DGKI: variants seen among roughly 807,000 people sequenced by gnomAD.
DGKI encodes diacylglycerol kinase iota.
In DGKI, 55 loss-of-function variants were observed where a neutral mutation model predicts 147.5. The ratio of observed to expected loss-of-function variants is 0.37; its 90% confidence interval spans 0.30 to 0.47. DGKI has a LOEUF of 0.47. Ranked by LOEUF, DGKI falls within the 20% of genes least tolerant of loss-of-function variation. The pLI, the probability that DGKI is intolerant of heterozygous loss-of-function variation, is 1.00. For synonymous variants in DGKI, 469 were observed against 477.1 expected (o/e 0.98, Z 0.22); for missense variants, 1,007 against 1,323.8 (o/e 0.76, Z 3.71).
chr7:137,499,082 C>A (rs556630138), intron 21 of DGKI, among the ~76,000 whole-genome samples: 1 of 152,132 alleles, frequency 6.6e-6, no homozygotes, highest in Non-Finnish European at 1.5e-5. Flanking sequence ...GAAAGCATCA[C>A]CTTTTCTTTA....
intron 1 of DGKI, among the ~76,000 whole-genome samples, chr7:137,812,883 G>T (rs560580642): frequency 6.6e-6 from 1 of 152,288 alleles, no homozygotes; most frequent in South Asian, 2.1e-4. Context: ...AATACAGGAT[G>T]TCTTATATGT....
intron 9 of DGKI, 85 bp from the exon 10 acceptor site, chr7:137,609,149 A>C: frequency 9.9e-7 from 1 of 1,011,604 alleles, no homozygotes; most frequent in Admixed American, 1.9e-5. Context: ...AAACCACCCA[A>C]TAATACATTT....
chr7:137,581,121 A>G (rs1819174771), intron 15 of DGKI, among the ~76,000 whole-genome samples: 1 of 152,150 alleles, frequency 6.6e-6, no homozygotes, highest in African/African-American at 2.4e-5. Context: ...AAACTTTATC[A>G]GTTCTAAATG....
chr7:137,712,582 A>T lies in DGKI; in HGVS notation c.402-22580T>A, dbSNP rs1272746582. 2.6e-5 allele frequency among the ~76,000 whole-genome samples: 4 copies of T among 152,290 alleles called. No homozygotes were observed. In the South Asian group the frequency reaches 8.3e-4, roughly 32 times the overall value. ...TGTCACCCTAGAAAATACACACTAC[A>T]TCTCTCCCAATAGCAAATGGTATTT... On this transcript the variant is annotated intron_variant, in intron 1 of 32. Transcript: ENST00000614521.
intron 32 of DGKI, among the ~76,000 whole-genome samples, chr7:137,393,234 T>A (rs540710820): frequency 1.7e-4 from 25 of 151,408 alleles, no homozygotes; most frequent in South Asian, 8.4e-4. Context: ...CATTTTTTTT[T>A]AAAAAAAGCA....
chr7:137,485,265 C>A, intron 23 of DGKI, 109 bp downstream of exon 23: 4 of 866,372 alleles, frequency 4.6e-6, no homozygotes, highest in Middle Eastern at 4.5e-4. Flanking sequence ...TTAGAATGAA[C>A]TCTATCCCTA....
chr7:137,518,340 A>C (rs1432265876), intron 21 of DGKI, among the ~76,000 whole-genome samples: 1 of 152,228 alleles, frequency 6.6e-6, no homozygotes, highest in African/African-American at 2.4e-5. Context: ...CAAACACCAA[A>C]ATTTCTGACT....
chr7:137,725,232 T>C lies in DGKI; in HGVS notation c.402-35230A>G, dbSNP rs533133835. Among the ~76,000 whole-genome samples the C allele has an allele frequency of 1.3e-3, 201 of 152,316 alleles. 1 individual carries two copies. The highest frequency in any genetic ancestry group is 2.7e-3 in the Admixed American group (42 of 15,294). ...CCTCCCTGCATTTTGAGTATCAAAA[T>C]GTTGTCAACCTACGGGAGAAGTGAT... On this transcript the variant is annotated intron_variant, in intron 1 of 32. Transcript: ENST00000614521.
At chr7:137,561,733 A>C (rs1055306446) in intron 19 of DGKI, among the ~76,000 whole-genome samples, 2 of 143,288 alleles carry the variant, frequency 1.4e-5, no homozygotes, top group African/African-American at 5.4e-5. Flanking sequence ...AAAAACAACA[A>C]ATAAAGAGAA....
intron 1 of DGKI, chr7:137,771,623 T>C (rs1796199263): frequency 6.6e-6 from 1 of 152,232 alleles, no homozygotes; most frequent in African/African-American, 2.4e-5. Flanking sequence ...ATTTTAATGA[T>C]TATTTCAATG....
chr7:137,437,264 G>T (rs1037517057), intron 28 of DGKI, among the ~76,000 whole-genome samples: 2 of 152,130 alleles, frequency 1.3e-5, no homozygotes, highest in African/African-American at 4.8e-5. Flanking sequence ...ACAAAAAGAC[G>T]CTTCAGATAA....
chr7:137,666,250 T>C (rs928230686), intron 3 of DGKI, among the ~76,000 whole-genome samples: 2 of 152,182 alleles, frequency 1.3e-5, no homozygotes, highest in African/African-American at 4.8e-5. Context: ...GTTTCTCTGA[T>C]AGGCTTCAAC....
In DGKI at chr7:137,784,909, T is replaced by A. The variant is rs1263290245; in HGVS notation, c.401+61553A>T. Among the ~76,000 whole-genome samples the A allele has an allele frequency of 1.3e-5, 2 of 151,902 alleles. 1 individual carries two copies. Among genetic ancestry groups the A allele is most frequent in the Admixed American group, 1.3e-4 (2 of 15,244 alleles). ...ACAAATCACGATGGAAATTAAAAAA[T>A]TATTTGAACTGAATGATAATAGTGA... On this transcript the variant is annotated intron_variant, in intron 1 of 32. Coordinates refer to ENST00000614521, the MANE Select transcript of DGKI (RefSeq NM_001321708.2).
At chr7:137,672,781 T>G in intron 3 of DGKI, among the ~76,000 whole-genome samples, 1 of 142,354 alleles carries the variant, frequency 7.0e-6, no homozygotes, top group Admixed American at 6.9e-5. Context: ...TTTTTTTTTT[T>G]TTTTTTTTTT....
In DGKI at chr7:137,597,888, CT is replaced by C; in HGVS notation, c.1269del (p.Val424TyrfsTer27). ...GPKDALELYR[K>X]VPNLRILACG... ...CAGGCCAGAATTCGCAGATTTGGTA[CT>C]TTCCTATACAATTCAAGCCTGTAGA... is the stretch of plus-strand genomic sequence containing the variant. On this transcript the variant is annotated frameshift_variant, in exon 12 of 33. Transcript: ENST00000614521. LOFTEE classifies it high-confidence loss of function. 1 of 1,613,820 alleles carries C rather than the reference CT, an allele frequency of 6.2e-7. No homozygotes were observed. Among genetic ancestry groups the C allele is most frequent in the Non-Finnish European group, 8.5e-7 (1 of 1,179,874 alleles).
chr7:137,841,988 C>T (rs973856977), intron 1 of DGKI, among the ~76,000 whole-genome samples: 8 of 152,118 alleles, frequency 5.3e-5, no homozygotes, highest in South Asian at 2.1e-4. Context: ...ATAAGTACTC[C>T]GGACAGTGGT....
chr7:137,657,388 G>A (rs1822265185), intron 3 of DGKI, among the ~76,000 whole-genome samples: 1 of 152,142 alleles, frequency 6.6e-6, no homozygotes, highest in Non-Finnish European at 1.5e-5. Context: ...CTGACAGTCA[G>A]TATTAGTTTA....
chr7:137,530,560 A>G (rs1239787553), intron 20 of DGKI, among the ~76,000 whole-genome samples: 1 of 152,192 alleles, frequency 6.6e-6, no homozygotes, highest in Non-Finnish European at 1.5e-5. Context: ...CAGGATGCCC[A>G]ACTATAGTTA....
chr7:137,570,393 GCA>G (rs1818751809), intron 19 of DGKI, among the ~76,000 whole-genome samples: 2 of 152,256 alleles, frequency 1.3e-5, no homozygotes, highest in African/African-American at 4.8e-5. Flanking sequence ...AACTGAGTAT[GCA>G]CTAATATCAC....
Sources: allele counts gnomAD v4.1 joint callset (sites outside exome capture counted in the v4.1 genomes callset), GRCh38; gene constraint gnomAD v4.1.1; transcripts MANE v1.5; gene names NCBI Gene and HGNC (gene_info 2026-07-23, HGNC 2026-07-21).